Variants in MASP1 observed in about 807,000 individuals in gnomAD.
MASP1 encodes the protein MBL associated serine protease 1, also known as mannan-binding lectin serine protease 1.
In MASP1, 59 loss-of-function variants were observed where a neutral mutation model predicts 77.1. The ratio of observed to expected loss-of-function variants is 0.77; its 90% CI spans 0.62 to 0.95. The LOEUF is 0.95. Ranked by LOEUF, MASP1 falls within the 40% of genes least tolerant of loss-of-function variation. The pLI is 0.00. For synonymous variants in MASP1, 362 were observed against 354.5 expected, an observed-to-expected ratio of 1.02 and a Z score of -0.24; for missense variants, 885 against 912.9, an observed-to-expected ratio of 0.97 and a Z score of 0.39.
chr3:187,285,763 T>C, intron 2 of MASP1, 62 bp downstream of exon 2: 1 of 1,321,142 alleles, frequency 7.6e-7, no homozygotes, highest in Non-Finnish European at 1.1e-6. Flanking sequence ...TCTAATTTCA[T>C]ATTGCCTTGT....
In MASP1 at chr3:187,251,673, T is replaced by G. The variant is rs750779461; in HGVS notation, c.972A>C (p.Gln324His). The G allele has an allele frequency of 2.5e-6, 4 of 1,614,226 alleles. No homozygotes were observed. The highest frequency in any genetic ancestry group is 3.4e-6 in the Non-Finnish European group (4 of 1,180,038). ...AGCCTGTGTCACAGCTGACGAGCAC[T>G]TGGTCTTTGAAGAAATACTTGGCTT... ...PSQAKYFFKDQVLVSCDTGYK... is the reference protein window; with the variant it reads ...PSQAKYFFKDHVLVSCDTGYK... The change falls in exon 7 of 11, where the codon CAA becomes CAC. Residue 324 changes from glutamine to histidine, a missense_variant. Coordinates refer to ENST00000296280, the MANE Select transcript of MASP1 (RefSeq NM_139125.4).
At chr3:187,219,251 CAG>C (rs1159202329) in exon 16 of MASP1, 1 of 152,178 alleles carries the variant, frequency 6.6e-6, no homozygotes, top group Admixed American at 6.5e-5. Flanking sequence ...CTTAGATCGT[CAG>C]AGCTTTGAGG....
Position 187,235,749 on chromosome 3 carries a change from C to A in MASP1, c.2122G>T (p.Val708Leu), listed in dbSNP as rs143059203. The change falls in exon 11 of 11, where the codon GTG becomes TTG. Residue 708 changes from valine (V) to leucine (L), a missense_variant. By Grantham distance (32) the Val-to-Leu change is conservative (BLOSUM62 1). Transcript: ENST00000296280. ...CCCATCTGCTCCCACACCCAGTCCA[C>A]GTAATTGGAGACCTTTGTGTAGACT... Reference protein sequence around the residue: ...YGVYTKVSNYVDWVWEQMGLP... With the variant: ...YGVYTKVSNYLDWVWEQMGLP... 21 of 1,614,074 alleles carry A rather than the reference C, an allele frequency of 1.3e-5. No individual in the cohort carries two copies. The highest frequency in any genetic ancestry group is 1.7e-6 in the Non-Finnish European group (2 of 1,180,038).
intron 4 of MASP1, among the ~76,000 whole-genome samples, chr3:187,258,476 C>T (rs1715287024): frequency 6.6e-6 from 1 of 152,154 alleles, no homozygotes; most frequent in Non-Finnish European, 1.5e-5. Context: ...TATGAATATT[C>T]ACAGCTCCTC....
At chr3:187,241,618 A>C in intron 9 of MASP1, 63 bp from the exon 10 acceptor site, 1 of 1,075,332 alleles carries the variant, frequency 9.3e-7, no homozygotes, top group Non-Finnish European at 1.5e-6. Flanking sequence ...CACATGGAAA[A>C]TAGATCTGGG....
At chr3:187,259,616 A>G (rs1715388666) in intron 4 of MASP1, among the ~76,000 whole-genome samples, 1 of 152,224 alleles carries the variant, frequency 6.6e-6, no homozygotes, top group Non-Finnish European at 1.5e-5. Context: ...TGTACTGAAC[A>G]CATAGTAGAT....
chr3:187,264,467 G>T (rs1194907099), intron 2 of MASP1, among the ~76,000 whole-genome samples: 2 of 144,172 alleles, frequency 1.4e-5, no homozygotes, highest in African/African-American at 4.9e-5. Context: ...TCTTTTTGGT[G>T]TAACACTTAA....
exon 16 of MASP1, chr3:187,220,151 T>C: frequency 6.2e-7 from 1 of 1,614,164 alleles, no homozygotes; most frequent in Non-Finnish European, 8.5e-7. Flanking sequence ...CGGTCCTTCT[T>C]CCCACAGTCA....
intron 2 of MASP1, among the ~76,000 whole-genome samples, chr3:187,269,343 A>G (rs930226137): frequency 1.3e-5 from 2 of 152,172 alleles, no homozygotes. Flanking sequence ...TGGAGACCCA[A>G]AAAGATTTTA....
At chr3:187,226,324 C>T in intron 12 of MASP1, 1 of 1,005,034 alleles carries the variant, frequency 9.9e-7, no homozygotes, top group Non-Finnish European at 1.5e-6. Context: ...AGTGAGTGAG[C>T]AGACACGCCT....
intron 13 of MASP1, chr3:187,223,203 G>C: frequency 6.2e-7 from 1 of 1,613,270 alleles, no homozygotes; most frequent in Non-Finnish European, 8.5e-7. Flanking sequence ...TCCTGGAGGA[G>C]AGAAGATACT....
Position 187,291,651 on chromosome 3 carries a change from C to G in MASP1, c.-19G>C, listed in dbSNP as rs1423381226. On this transcript the variant is annotated 5_prime_UTR_variant, in exon 1 of 11. Transcript: ENST00000296280. ...ACCTCATTTTCCTGCCTTGGGTGCT[C>G]CCGGCTGCCCGGCCTTGGTCCTCCC... The G allele has an allele frequency of 2.5e-6, 4 of 1,614,092 alleles. No homozygotes were observed. In the South Asian group the frequency reaches 4.4e-5, roughly 18 times the overall value.
intron 10 of MASP1, among the ~76,000 whole-genome samples, chr3:187,238,680 G>A (rs3774269): frequency 6.6e-6 from 1 of 152,092 alleles, no homozygotes; most frequent in African/African-American, 2.4e-5. Context: ...AAAATGGCTC[G>A]GCATTGCTTA....
intron 7 of MASP1, 91 bp from the exon 8 acceptor site, chr3:187,250,420 C>G: frequency 1.1e-6 from 1 of 913,274 alleles, no homozygotes; most frequent in Non-Finnish European, 1.8e-6. Flanking sequence ...AAGCTCCACA[C>G]GTGTCTTGAT....
rs1560245343 is a variant in MASP1 at position 187,243,478 on chromosome 3, G to A, written c.1228+6C>T. 6 of 1,614,110 alleles carry A rather than the reference G, an allele frequency of 3.7e-6. No individual in the cohort carries two copies. On this transcript the variant is annotated splice_donor_region_variant and intron_variant, in intron 9 of 10. Transcript: ENST00000296280. ...GGAGTGGGATGGCTTAGCATGGATGGCTTACCTGTGTTATTGTTGAGCATC... is the reference window on the plus strand; with the variant it reads ...GGAGTGGGATGGCTTAGCATGGATGACTTACCTGTGTTATTGTTGAGCATC...
rs9864944 is a variant in MASP1 at position 187,220,847 on chromosome 3, C to G, written c.1909+188G>C. Among the ~76,000 whole-genome samples, 4,262 of 152,260 alleles carry G rather than the reference C, an allele frequency of 0.028. 90 individuals carry two copies. The highest frequency in any genetic ancestry group is 0.071 in the Middle Eastern group (21 of 294). Reference sequence around the variant, plus strand: ...CTGAACTTGGGAAGGGAATGATGAGCATCCTGTAAATATCTTTTCTCCGAT... The same window carrying G: ...CTGAACTTGGGAAGGGAATGATGAGGATCCTGTAAATATCTTTTCTCCGAT... On this transcript the variant is annotated intron_variant, in intron 15 of 15. Coordinates refer to the MASP1 transcript ENST00000337774.
At chr3:187,250,118 T>G (rs35407537) in intron 8 of MASP1, 133 bp downstream of exon 8, 3 of 788,552 alleles carry the variant, frequency 3.8e-6, no homozygotes, top group Non-Finnish European at 4.6e-6. Flanking sequence ...CCAACCCTTG[T>G]GTGTCTGTTA....
At chr3:187,221,647 C>T (rs1712067174) in intron 14 of MASP1, among the ~76,000 whole-genome samples, 1 of 152,146 alleles carries the variant, frequency 6.6e-6, no homozygotes, top group Non-Finnish European at 1.5e-5. Flanking sequence ...TTGTAAACTA[C>T]ACACACTGTA....
At chr3:187,251,372 G>A (rs1200387810) in intron 7 of MASP1, 15 of 465,392 alleles carry the variant, frequency 3.2e-5, no homozygotes, top group Non-Finnish European at 5.1e-5. Context: ...GAGCTGTATG[G>A]ATCCATATTT....
Sources: allele counts gnomAD v4.1 joint callset (sites outside exome capture counted in the v4.1 genomes callset), GRCh38; gene constraint gnomAD v4.1.1; transcripts MANE v1.5; gene names NCBI Gene and HGNC (gene_info 2026-07-23, HGNC 2026-07-21).